The following SHANK2 variants were observed in gnomAD, a reference collection of about 807,000 sequenced individuals.
SHANK2 encodes SH3 and multiple ankyrin repeat domains 2, also known as SH3 and multiple ankyrin repeat domains protein 2.
Under a neutral mutation model 133.7 loss-of-function variants are expected in SHANK2, and 43 were observed. The observed-to-expected ratio is 0.32, with a 90% confidence interval of 0.25 to 0.41. The LOEUF (loss-of-function observed/expected upper bound fraction) is 0.41. SHANK2 is among the 10% of genes least tolerant of loss of function. The pLI, the probability that SHANK2 is intolerant of heterozygous loss-of-function variation, is 1.00. For missense variants in SHANK2, 1,994 were observed against 2,235.8 expected, an observed-to-expected ratio of 0.89 and a Z score of 2.18; for synonymous variants, 1,017 against 952.8, an observed-to-expected ratio of 1.07 and a Z score of -1.24.
intron 11 of SHANK2, among the ~76,000 whole-genome samples, chr11:70,851,898 A>C (rs1949092057): frequency 6.6e-6 from 1 of 152,228 alleles, no homozygotes; most frequent in South Asian, 2.1e-4. Context: ...CAGGCTGGTA[A>C]AGTGAGGCAG....
intron 3 of SHANK2, among the ~76,000 whole-genome samples, chr11:71,119,377 C>T (rs1431886110): frequency 2.0e-5 from 3 of 152,098 alleles, no homozygotes; most frequent in African/African-American, 7.2e-5. Context: ...GTCAGGAGAT[C>T]AAGACCATCC....
At position 70,486,260 on chromosome 11, in the gene SHANK2, G is replaced by T; in HGVS notation, c.4033C>A (p.Pro1345Thr). The change falls in exon 25 of 26, where the codon CCG (proline) becomes ACG (threonine). Residue 1345 changes from proline (P) to threonine (T), a missense_variant. Transcript: ENST00000601538. The surrounding 1 kb of genome is among the most constrained non-coding windows in gnomAD (Gnocchi z 8.0). The part of the protein sequence containing the change: ...AEVEMKPDSS[P>T]SEVPEGVSET... ...GAAACACCTTCTGGCACCTCGGACG[G>T]CGAGCTGTCTGGCTTCATCTCCACC... is the stretch of plus-strand genomic sequence containing the variant. The T allele has an allele frequency of 6.2e-7, 1 of 1,614,042 alleles. No homozygotes were observed. The highest frequency in any genetic ancestry group is 1.1e-5 in the South Asian group (1 of 91,082).
chr11:71,164,823 G>C (rs1555110507), intron 2 of SHANK2, among the ~76,000 whole-genome samples: 2 of 152,182 alleles, frequency 1.3e-5, no homozygotes, highest in Admixed American at 6.5e-5. Context: ...GCCTAGGAGA[G>C]ACGCCAAGTC....
intron 8 of SHANK2, 110 bp downstream of exon 8, chr11:71,092,312 T>C (rs1555094188): frequency 8.3e-7 from 1 of 1,208,294 alleles, no homozygotes; most frequent in African/African-American, 1.5e-5. Flanking sequence ...CCAAACAAAA[T>C]ACCTGAAGGC....
At chr11:71,241,504 G>A (rs1412589225) in intron 1 of SHANK2, among the ~76,000 whole-genome samples, 1 of 152,136 alleles carries the variant, frequency 6.6e-6, no homozygotes, top group Non-Finnish European at 1.5e-5. Context: ...TGCACAATCA[G>A]CCTGCGTTTA....
intron 14 of SHANK2, among the ~76,000 whole-genome samples, chr11:70,775,508 T>C (rs551068228): frequency 1.3e-5 from 2 of 152,282 alleles, no homozygotes; most frequent in South Asian, 4.1e-4. Flanking sequence ...ATTAACCACT[T>C]TGAGGTATCT....
Position 71,175,551 on chromosome 11 carries a change from G to GGAGAGA in SHANK2, c.-12-28219_-12-28214dup, listed in dbSNP as rs555218781. On this transcript the variant is annotated intron_variant, in intron 2 of 25. Coordinates refer to ENST00000601538, the MANE Select transcript of SHANK2 (RefSeq NM_012309.5). The surrounding 1 kb of genome is among the most constrained non-coding windows in gnomAD (Gnocchi z 4.2). ...CAGACAGACAGAGGGAGAGGGAGAG[G>GGAGAGA]GAGAGAGAGAGAGAGAGAGAGAGAG... 3.2e-3 allele frequency among the ~76,000 whole-genome samples: 129 copies of GGAGAGA among 40,608 alleles called. 1 individual carries two copies. Among genetic ancestry groups the GGAGAGA allele is most frequent in the South Asian group, 4.2e-3 (3 of 708 alleles). The allele number at this position is 40,608 out of a possible 152,430, so 26.6% of individuals were successfully genotyped here.
chr11:70,502,785 G>T lies in SHANK2; in HGVS notation c.2197+11C>A. 1 of 1,591,670 alleles carries T rather than the reference G, an allele frequency of 6.3e-7. No homozygotes were observed. The highest frequency in any genetic ancestry group is 8.5e-7 in the Non-Finnish European group (1 of 1,170,342). On this transcript the variant is annotated intron_variant, in intron 18 of 25. Transcript: ENST00000601538. ...GCCCCAGGCTGGAGCTGGGCGATGTGGGGCATGTACCTTTCTTCCTGGCGG... is the reference window on the plus strand; with the variant it reads ...GCCCCAGGCTGGAGCTGGGCGATGTTGGGCATGTACCTTTCTTCCTGGCGG...
chr11:70,587,547 T>C (rs931028266), intron 17 of SHANK2, among the ~76,000 whole-genome samples: 8 of 152,068 alleles, frequency 5.3e-5, no homozygotes, highest in Non-Finnish European at 7.4e-5. Flanking sequence ...TACAAAATGG[T>C]ATGGAACAGC....
At chr11:70,603,907 G>A (rs2060536301) in intron 17 of SHANK2, 1 of 152,728 alleles carries the variant, frequency 6.5e-6, no homozygotes, top group Admixed American at 6.5e-5. Context: ...GCACCCAGAA[G>A]TGGGGTGAGG....
At chr11:71,091,772 C>T (rs1951523345) in intron 8 of SHANK2, among the ~76,000 whole-genome samples, 1 of 152,196 alleles carries the variant, frequency 6.6e-6, no homozygotes, top group South Asian at 2.1e-4. Context: ...TCTCCTGCTC[C>T]CGGGAGCATC....
At position 70,472,708 on chromosome 11, in the gene SHANK2, A is replaced by G; in HGVS notation, c.*161T>C. On this transcript the variant is annotated 3_prime_UTR_variant, in exon 26 of 26. Transcript: ENST00000601538. This position sits in a 1 kb window ranked among gnomAD's most constrained non-coding sequence, Gnocchi z 4.4. ...TGGTGAGCCAGGGGTCTGAAGACCC[A>G]GCCATGTTGTGGACACAACTCAGTA... 1 of 736,416 alleles carries G rather than the reference A, an allele frequency of 1.4e-6. No homozygotes were observed. The allele number at this position is 736,416 out of a possible 1,614,324, so 45.6% of individuals were successfully genotyped here.
In SHANK2 at chr11:71,147,160, G is replaced by C; in HGVS notation, c.167C>G (p.Thr56Arg). 6.5e-7 allele frequency: 1 copy of C among 1,550,312 alleles called. No individual in the cohort carries two copies. Among genetic ancestry groups the C allele is most frequent in the Non-Finnish European group, 8.7e-7 (1 of 1,146,938 alleles). The change falls in exon 3 of 26, where the codon ACG becomes AGG. Residue 56 changes from threonine (T) to arginine (R), a missense_variant. Thr to Arg is a moderately conservative substitution (Grantham distance 71). Around this residue, in one of 5 missense-constraint regions of SHANK2, gnomAD observed 653 missense variants for 563.4 expected, o/e 1.16. Coordinates refer to ENST00000601538, the MANE Select transcript of SHANK2 (RefSeq NM_012309.5). ...ATGGATGACCACGCGGATCACCAGCGTGTTGCCCTGGCTCTCCTCCGTCCT... is the reference window on the plus strand; with the variant it reads ...ATGGATGACCACGCGGATCACCAGCCTGTTGCCCTGGCTCTCCTCCGTCCT... The part of the protein sequence containing the change: ...GARTEESQGN[T>R]LVIRVVIHDL...
At chr11:71,191,016 C>T (rs1555115314) in intron 2 of SHANK2, among the ~76,000 whole-genome samples, 1 of 152,006 alleles carries the variant, frequency 6.6e-6, no homozygotes, top group African/African-American at 2.4e-5. Context: ...AAATACCTCA[C>T]ACCAGAGATA....
intron 3 of SHANK2, among the ~76,000 whole-genome samples, chr11:71,137,976 G>A (rs1408872337): frequency 7.3e-5 from 11 of 150,758 alleles, no homozygotes; most frequent in South Asian, 2.1e-4. Flanking sequence ...ATGGGCGGGC[G>A]CACACACACA....
At chr11:71,139,565 T>G (rs1952513861) in intron 3 of SHANK2, among the ~76,000 whole-genome samples, 1 of 152,206 alleles carries the variant, frequency 6.6e-6, no homozygotes, top group African/African-American at 2.4e-5. Context: ...GGGGCCAGTT[T>G]TCTTCCCTCT....
At chr11:71,118,462 G>A (rs1281426749) in intron 4 of SHANK2, among the ~76,000 whole-genome samples, 2 of 152,156 alleles carry the variant, frequency 1.3e-5, no homozygotes, top group African/African-American at 4.8e-5. Context: ...CAAGGCAGCA[G>A]GAGAGAGAAC....
At chr11:70,647,956 A>C (rs140678338) in intron 17 of SHANK2, among the ~76,000 whole-genome samples, 1 of 152,376 alleles carries the variant, frequency 6.6e-6, no homozygotes, top group East Asian at 1.9e-4. Context: ...AAACTGGTAC[A>C]AAAACGTTTA....
intron 17 of SHANK2, among the ~76,000 whole-genome samples, chr11:70,559,928 G>C (rs954989252): frequency 1.3e-5 from 2 of 152,042 alleles, no homozygotes; most frequent in Admixed American, 1.3e-4. Context: ...CTGGAGCACA[G>C]TGGCGTGATC....
Sources: gnomAD v4.1 joint callset for allele counts (sites outside exome capture counted in the v4.1 genomes callset) on GRCh38, gnomAD v4.1.1 for gene constraint, gnomAD v4.1.1 regional missense constraint, Gnocchi (gnomAD v3.1) non-coding constraint, MANE v1.5 for transcripts, NCBI Gene and HGNC (gene_info 2026-07-23, HGNC 2026-07-21) for gene names.